The following CDH12 variants were observed in gnomAD, a reference collection of about 807,000 sequenced individuals.
CDH12 encodes the protein cadherin-12.
Under a neutral mutation model 74.1 loss-of-function variants are expected in CDH12, and 41 were observed. The observed-to-expected ratio is 0.55, with a 90% CI of 0.43 to 0.72. The LOEUF is 0.72. Among genes scored for constraint, CDH12 ranks in the 30% least tolerant of loss-of-function variants. CDH12 has a pLI of 0.00. For missense variants in CDH12, 945 were observed against 977.2 expected, an observed-to-expected ratio of 0.97 and a Z score of 0.44; for synonymous variants, 399 against 355.0, an observed-to-expected ratio of 1.12 and a Z score of -1.39.
At chr5:22,602,366 T>C (rs189565586) in intron 1 of CDH12, among the ~76,000 whole-genome samples, 13 of 152,148 alleles carry the variant, frequency 8.5e-5, no homozygotes, top group Non-Finnish European at 1.5e-4. Context: ...CATTTCAGAA[T>C]AATCCAGCAA....
At chr5:21,977,242 T>C (rs747683772) in intron 5 of CDH12, among the ~76,000 whole-genome samples, 21 of 152,096 alleles carry the variant, frequency 1.4e-4, no homozygotes, top group Non-Finnish European at 2.8e-4. Flanking sequence ...TTATGAATGA[T>C]AGGAGGAAGG....
chr5:22,475,614 T>A (rs1746135340), intron 2 of CDH12, among the ~76,000 whole-genome samples: 1 of 152,048 alleles, frequency 6.6e-6, no homozygotes, highest in African/African-American at 2.4e-5. Context: ...TCTATTACAT[T>A]ATATAAAAGT....
chr5:22,336,865 C>G (rs568155689), intron 3 of CDH12, among the ~76,000 whole-genome samples: 15 of 152,292 alleles, frequency 9.8e-5, no homozygotes, highest in African/African-American at 3.4e-4. Flanking sequence ...AGAGCCACAA[C>G]CCTCAAACCC....
At chr5:22,189,109 A>T (rs1178593915) in intron 4 of CDH12, among the ~76,000 whole-genome samples, 2 of 144,154 alleles carry the variant, frequency 1.4e-5, no homozygotes, top group Non-Finnish European at 3.1e-5. Context: ...CAAGATGTAT[A>T]GACATTTCCT....
intron 5 of CDH12, among the ~76,000 whole-genome samples, chr5:22,016,213 G>C (rs1350176545): frequency 6.6e-6 from 1 of 151,980 alleles, no homozygotes; most frequent in Non-Finnish European, 1.5e-5. Flanking sequence ...GATCTTTCTA[G>C]GTGGCCAGTG....
intron 6 of CDH12, chr5:21,889,799 T>A: frequency 1.0e-6 from 1 of 985,192 alleles, no homozygotes; most frequent in Non-Finnish European, 1.2e-6. Context: ...TACTACTATT[T>A]CTCAATATAG....
chr5:22,485,360 T>G (rs1420966374), intron 2 of CDH12, among the ~76,000 whole-genome samples: 2 of 152,166 alleles, frequency 1.3e-5, no homozygotes, highest in Non-Finnish European at 2.9e-5. Context: ...TAAAAACATA[T>G]ACATTGTTTT....
At chr5:22,237,248 T>C (rs1005101983) in intron 3 of CDH12, among the ~76,000 whole-genome samples, 13 of 152,096 alleles carry the variant, frequency 8.5e-5, no homozygotes, top group African/African-American at 3.1e-4. Flanking sequence ...TTAACTGCAA[T>C]GTTGTTATGT....
chr5:22,563,436 C>G (rs1006817035), intron 1 of CDH12, among the ~76,000 whole-genome samples: 1 of 151,864 alleles, frequency 6.6e-6, no homozygotes, highest in Non-Finnish European at 1.5e-5. Context: ...TTGTATTTTT[C>G]CTATTGAGTT....
At chr5:22,126,499 T>C (rs1201798216) in intron 4 of CDH12, among the ~76,000 whole-genome samples, 1 of 152,200 alleles carries the variant, frequency 6.6e-6, no homozygotes, top group Non-Finnish European at 1.5e-5. Context: ...GTAGTGCAGA[T>C]TGTGTTGAAA....
Position 22,014,013 on chromosome 5 carries a change from G to A in CDH12, c.232-38628C>T, listed in dbSNP as rs193209248. Among the ~76,000 whole-genome samples the A allele has an allele frequency of 6.1e-3, 925 of 152,206 alleles. 2 individuals carry two copies. Among genetic ancestry groups the A allele is most frequent in the African/African-American group, 0.021 (889 of 41,540 alleles). ...AGGCTGAGGCAGGCAGATCACTTTA[G>A]GTCAGGAGTTCAAACCCAGCCTGGC... On this transcript the variant is annotated intron_variant, in intron 5 of 14. Transcript: ENST00000382254.
At chr5:22,832,158 C>T (rs974473405) in intron 1 of CDH12, among the ~76,000 whole-genome samples, 8 of 152,122 alleles carry the variant, frequency 5.3e-5, no homozygotes, top group African/African-American at 1.9e-4. Flanking sequence ...TCAGCTATTC[C>T]ACTTAATTAG....
intron 4 of CDH12, among the ~76,000 whole-genome samples, chr5:22,112,949 C>G (rs970039375): frequency 6.6e-6 from 1 of 152,102 alleles, no homozygotes; most frequent in Admixed American, 6.6e-5. Context: ...CCCCATGACA[C>G]ATAGTGAGCT....
chr5:22,625,288 T>C (rs1254626753), intron 1 of CDH12, among the ~76,000 whole-genome samples: 2 of 152,026 alleles, frequency 1.3e-5, no homozygotes, highest in Non-Finnish European at 2.9e-5. Flanking sequence ...ACATGTACCC[T>C]AGAACTTAAA....
At chr5:22,097,133 G>A (rs1169462142) in intron 4 of CDH12, among the ~76,000 whole-genome samples, 1 of 152,104 alleles carries the variant, frequency 6.6e-6, no homozygotes. Flanking sequence ...CAGAAATCTG[G>A]CCACCAGGCC....
intron 2 of CDH12, among the ~76,000 whole-genome samples, chr5:22,407,071 T>G (rs1180025842): frequency 1.3e-5 from 2 of 152,100 alleles, no homozygotes; most frequent in Non-Finnish European, 2.9e-5. Context: ...TTTTTAGTGT[T>G]TGTCACTAGA....
chr5:22,567,874 C>G (rs1739365538), intron 1 of CDH12, among the ~76,000 whole-genome samples: 1 of 152,172 alleles, frequency 6.6e-6, no homozygotes, highest in African/African-American at 2.4e-5. Context: ...CACACCTGTC[C>G]ATATAGCATA....
chr5:21,760,666 T>A lies in CDH12; in HGVS notation c.1525A>T (p.Ile509Leu). 1 of 1,573,776 alleles carries A rather than the reference T, an allele frequency of 6.4e-7. No homozygotes were observed. The highest frequency in any genetic ancestry group is 8.7e-7 in the Non-Finnish European group (1 of 1,144,456). The stretch of plus-strand genomic sequence containing the variant: ...AGATCTCGGTCTGCAGCACTGACTA[T>A]CTGAATTATCTGCAACAGAGTTGAG... Reference protein sequence around the residue: ...ENAKPGQIIQIVSAADRDLSP... With the variant: ...ENAKPGQIIQLVSAADRDLSP... The change falls in exon 13 of 15, where the codon ATA becomes TTA. Residue 509 changes from isoleucine (I) to leucine (L), a missense_variant. By Grantham distance (5) the Ile-to-Leu change is conservative (BLOSUM62 2). This residue lies in a region of CDH12 where 791 missense variants were observed against 792.8 expected (regional missense o/e 1.00). Coordinates refer to ENST00000382254, the MANE Select transcript of CDH12 (RefSeq NM_004061.5).
At chr5:21,898,147 A>T (rs986322024) in intron 6 of CDH12, among the ~76,000 whole-genome samples, 2 of 152,144 alleles carry the variant, frequency 1.3e-5, no homozygotes. Flanking sequence ...TTACTTTAGG[A>T]ATAAATTATA....
Sources: allele counts gnomAD v4.1 joint callset (sites outside exome capture counted in the v4.1 genomes callset), GRCh38; gene constraint gnomAD v4.1.1; regional missense constraint gnomAD v4.1.1; transcripts MANE v1.5; gene names NCBI Gene and HGNC (gene_info 2026-07-23, HGNC 2026-07-21).